The following LRRN3 variants were observed in gnomAD, a reference collection of about 807,000 sequenced individuals.
LRRN3 encodes leucine-rich repeat neuronal protein 3.
LRRN3 carries 15 observed loss-of-function variants against 40.1 expected under a neutral mutation model. That is an observed-to-expected ratio of 0.37 (90% CI 0.25 to 0.58). The LOEUF (loss-of-function observed/expected upper bound fraction) is 0.58. LRRN3 is among the 20% of genes least tolerant of loss of function. LRRN3 has a pLI of 0.72. For missense variants in LRRN3, 746 were observed against 837.7 expected (o/e 0.89, Z 1.35); for synonymous variants, 308 against 297.2 (o/e 1.04, Z -0.37).
At position 111,123,515 on chromosome 7, in the gene LRRN3, T is replaced by A; in HGVS notation, c.743T>A (p.Leu248His). 1 of 1,613,952 alleles carries A rather than the reference T, an allele frequency of 6.2e-7. No homozygotes were observed. The highest frequency in any genetic ancestry group is 8.5e-7 in the Non-Finnish European group (1 of 1,179,950). ...AGCATCTCTTTTTACGATAACAGGC[T>A]TATTAAAGTACCCCATGTTGCTCTT... The part of the protein sequence containing the change: ...LESISFYDNR[L>H]IKVPHVALQK... The change falls in exon 3 of 3, where the codon CTT becomes CAT. Residue 248 changes from leucine to histidine, a missense_variant. Coordinates refer to ENST00000308478, the MANE Select transcript of LRRN3 (RefSeq NM_001099658.2). The surrounding 1 kb of genome is among the most constrained non-coding windows in gnomAD (Gnocchi z 6.4).
chr7:111,101,595 T>C (rs1300401163), intron 2 of LRRN3, among the ~76,000 whole-genome samples: 1 of 151,362 alleles, frequency 6.6e-6, no homozygotes, highest in Non-Finnish European at 1.5e-5. Context: ...AGAATATACA[T>C]AGGTACAACA....
chr7:111,104,796 C>T (rs1301741642), intron 2 of LRRN3, among the ~76,000 whole-genome samples: 2 of 151,652 alleles, frequency 1.3e-5, no homozygotes, highest in Admixed American at 6.6e-5. Flanking sequence ...CATAGAAATA[C>T]CCAGCCTCGC....
intron 2 of LRRN3, among the ~76,000 whole-genome samples, chr7:111,108,523 C>T (rs977961167): frequency 1.3e-5 from 2 of 151,802 alleles, no homozygotes; most frequent in East Asian, 1.9e-4. Context: ...AAAAGATATA[C>T]GAACAAAACA....
intron 2 of LRRN3, among the ~76,000 whole-genome samples, chr7:111,102,121 A>G (rs1267506927): frequency 1.3e-5 from 2 of 151,424 alleles, no homozygotes; most frequent in African/African-American, 2.4e-5. Context: ...CAAAATCCCT[A>G]TATTGGGATA....
Position 111,123,496 on chromosome 7 carries a change from TC to T in LRRN3, c.725del (p.Ser242PhefsTer19). 1 of 1,613,874 alleles carries T rather than the reference TC, an allele frequency of 6.2e-7. No homozygotes were observed. Among genetic ancestry groups the T allele is most frequent in the South Asian group, 1.1e-5 (1 of 91,044 alleles). On this transcript the variant is annotated frameshift_variant, in exon 3 of 3. Coordinates refer to ENST00000308478, the MANE Select transcript of LRRN3 (RefSeq NM_001099658.2). LOFTEE classifies it high-confidence loss of function. The surrounding 1 kb of genome is among the most constrained non-coding windows in gnomAD (Gnocchi z 6.4). Reference protein sequence around the residue: ...LVGLENLESISFYDNRLIKVP... With the variant: ...LVGLENLESIXFYDNRLIKVP... Reference sequence around the variant, plus strand: ...TGGACTGGAAAACTTAGAAAGCATCTCTTTTTACGATAACAGGCTTATTAAA... The same window carrying T: ...TGGACTGGAAAACTTAGAAAGCATCTTTTTTACGATAACAGGCTTATTAAA...
chr7:111,123,209 A>G lies in LRRN3; in HGVS notation c.437A>G (p.Tyr146Cys). Reference sequence around the variant, plus strand: ...GAACTGAGCAACTTACAAGAACTCTATATTAATCACAACTTGCTTTCTACA... The same window carrying G: ...GAACTGAGCAACTTACAAGAACTCTGTATTAATCACAACTTGCTTTCTACA... ...LSELSNLQEL[Y>C]INHNLLSTIS... Residue 146 changes from tyrosine to cysteine, a missense_variant, in exon 3 of 3, where the codon TAT (tyrosine) becomes TGT (cysteine). Physicochemically the swap from Tyr to Cys is radical, Grantham distance 194 (BLOSUM62 -2). Coordinates refer to ENST00000308478, the MANE Select transcript of LRRN3 (RefSeq NM_001099658.2). The surrounding 1 kb of genome is among the most constrained non-coding windows in gnomAD (Gnocchi z 6.4). 1.2e-6 allele frequency: 2 copies of G among 1,613,962 alleles called. No individual in the cohort carries two copies. Among genetic ancestry groups the G allele is most frequent in the Non-Finnish European group, 8.5e-7 (1 of 1,179,970 alleles).
intron 2 of LRRN3, among the ~76,000 whole-genome samples, chr7:111,101,879 T>G (rs2129580282): frequency 6.6e-6 from 1 of 151,582 alleles, no homozygotes; most frequent in African/African-American, 2.4e-5. Flanking sequence ...TTCTTGGCAG[T>G]CAGGTGATAT....
chr7:111,104,823 G>T (rs1798365277), intron 2 of LRRN3, among the ~76,000 whole-genome samples: 2 of 151,662 alleles, frequency 1.3e-5, no homozygotes. Context: ...TTGGAAGCAG[G>T]GCAAAATCTA....
rs149429802 is a variant in LRRN3, at chr7:111,123,888, T to C, written c.1116T>C (p.Cys372=). 5.2e-4 allele frequency: 840 copies of C among 1,614,000 alleles called. 1 individual carries two copies. The highest frequency in any genetic ancestry group is 5.9e-4 in the Non-Finnish European group (701 of 1,179,990). ...GCATACACAGTAACCCCATCAGGTG[T>C]GACTGTGTCATCCGTTGGATGAACA... is the stretch of plus-strand genomic sequence containing the variant. ...EISIHSNPIR[C]DCVIRWMNMN... is the part of the protein sequence containing the mutation. Residue 372 remains cysteine, a synonymous_variant, in exon 3 of 3, where the codon TGT becomes TGC. Transcript: ENST00000308478. The surrounding 1 kb of genome is among the most constrained non-coding windows in gnomAD (Gnocchi z 6.4).
intron 2 of LRRN3, among the ~76,000 whole-genome samples, chr7:111,112,222 C>T (rs1347448220): frequency 1.3e-5 from 2 of 152,020 alleles, no homozygotes; most frequent in Non-Finnish European, 2.9e-5. Flanking sequence ...ACTTCGCCTC[C>T]CAAAGTGCTG....
intron 2 of LRRN3, among the ~76,000 whole-genome samples, chr7:111,107,156 A>G (rs1212071184): frequency 1.8e-5 from 2 of 110,762 alleles, no homozygotes; most frequent in Non-Finnish European, 3.8e-5. Context: ...AGATTCAGAA[A>G]CTTCCTTCTT....
intron 2 of LRRN3, among the ~76,000 whole-genome samples, chr7:111,117,571 A>C (rs1800038195): frequency 1.3e-5 from 2 of 152,088 alleles, no homozygotes; most frequent in Non-Finnish European, 2.9e-5. Context: ...GTTTTGAAAA[A>C]CTGGAAAAGA....
chr7:111,096,324 C>A (rs1797392430), intron 1 of LRRN3, among the ~76,000 whole-genome samples: 1 of 151,686 alleles, frequency 6.6e-6, no homozygotes, highest in South Asian at 2.1e-4. Flanking sequence ...AGCACTGGTC[C>A]CTGGCATTTC....
intron 2 of LRRN3, among the ~76,000 whole-genome samples, chr7:111,104,145 G>A (rs1306960437): frequency 6.6e-6 from 1 of 151,670 alleles, no homozygotes; most frequent in African/African-American, 2.4e-5. Context: ...AAATTTGCTG[G>A]AGGATACCTT....
At chr7:111,107,554 G>A (rs2129581869) in intron 2 of LRRN3, among the ~76,000 whole-genome samples, 1 of 152,190 alleles carries the variant, frequency 6.6e-6, no homozygotes, top group African/African-American at 2.4e-5. Context: ...TGAATAAAAA[G>A]ATTCTGTGCA....
chr7:111,123,780 G>A lies in LRRN3; in HGVS notation c.1008G>A (p.Leu336=), dbSNP rs760745416. ...HPNAFFRLPK[L]ESLMLNSNAL... Reference sequence around the variant, plus strand: ...ATGCATTTTTCAGACTCCCCAAGCTGGAATCACTCATGCTGAACAGCAATG... The same window carrying A: ...ATGCATTTTTCAGACTCCCCAAGCTAGAATCACTCATGCTGAACAGCAATG... Residue 336 remains leucine, a synonymous_variant, in exon 3 of 3, where the codon CTG becomes CTA. Coordinates refer to ENST00000308478, the MANE Select transcript of LRRN3 (RefSeq NM_001099658.2). The surrounding 1 kb of genome is among the most constrained non-coding windows in gnomAD (Gnocchi z 6.4). 6.2e-7 allele frequency: 1 copy of A among 1,613,976 alleles called. No individual in the cohort carries two copies. The highest frequency in any genetic ancestry group is 8.5e-7 in the Non-Finnish European group (1 of 1,179,972).
chr7:111,116,590 C>T (rs1290530756), intron 2 of LRRN3, among the ~76,000 whole-genome samples: 1 of 152,126 alleles, frequency 6.6e-6, no homozygotes, highest in African/African-American at 2.4e-5. Context: ...TAACAATCAA[C>T]TTGAAAACAA....
At chr7:111,098,852 T>C (rs188190379) in intron 1 of LRRN3, among the ~76,000 whole-genome samples, 114 of 151,894 alleles carry the variant, frequency 7.5e-4, no homozygotes, top group African/African-American at 2.6e-3. Flanking sequence ...CTCCCGTTGG[T>C]ACTGCCTAAA....
intron 2 of LRRN3, among the ~76,000 whole-genome samples, chr7:111,121,952 ATCAT>A (rs1347062712): frequency 6.6e-6 from 1 of 152,104 alleles, no homozygotes; most frequent in Non-Finnish European, 1.5e-5. Context: ...GCTGGAAATC[ATCAT>A]TCTCAGCAAA....
Sources: allele counts gnomAD v4.1 joint callset (sites outside exome capture counted in the v4.1 genomes callset), GRCh38; gene constraint gnomAD v4.1.1; non-coding constraint Gnocchi (gnomAD v3.1); transcripts MANE v1.5; gene names NCBI Gene and HGNC (gene_info 2026-07-23, HGNC 2026-07-21).